The following SPRED1 variants were observed in gnomAD, a reference collection of about 807,000 sequenced individuals.
The protein encoded by SPRED1 is sprouty-related, EVH1 domain-containing protein 1.
A neutral mutation model predicts 52.3 loss-of-function variants in SPRED1; 18 were observed. The ratio of observed to expected loss-of-function variants is 0.34; its 90% CI spans 0.24 to 0.51. The LOEUF is 0.51. SPRED1 is among the 20% of genes least tolerant of loss of function. The pLI, the probability that SPRED1 is intolerant of heterozygous loss-of-function variation, is 0.97. For synonymous variants in SPRED1, 155 were observed against 179.7 expected, an observed-to-expected ratio of 0.86 and a Z score of 1.10; for missense variants, 485 against 551.0, an observed-to-expected ratio of 0.88 and a Z score of 1.20.
Position 38,339,722 on chromosome 15 carries a change from G to A in SPRED1, c.424-15G>A, listed in dbSNP as rs1438431114. ...TTATTCTGGCAACTAATGCATTGAG[G>A]GTTGTTCCCAATAGGCAAATGAAGA... On this transcript the variant is annotated splice_polypyrimidine_tract_variant and intron_variant, in intron 4 of 6. Coordinates refer to ENST00000299084, the MANE Select transcript of SPRED1 (RefSeq NM_152594.3). The A allele has an allele frequency of 1.2e-6, 2 of 1,612,966 alleles. No individual in the cohort carries two copies. The highest frequency in any genetic ancestry group is 1.7e-5 in the Admixed American group (1 of 59,950).
At chr15:38,302,243 A>G (rs567859275) in intron 2 of SPRED1, among the ~76,000 whole-genome samples, 4 of 152,298 alleles carry the variant, frequency 2.6e-5, no homozygotes, top group African/African-American at 4.8e-5. Context: ...ACTGATAACA[A>G]TAGTGAAGAA....
chr15:38,282,994 A>G (rs1894723300), intron 1 of SPRED1, among the ~76,000 whole-genome samples: 1 of 152,034 alleles, frequency 6.6e-6, no homozygotes, highest in Non-Finnish European at 1.5e-5. Context: ...ATTGCCGAAC[A>G]TTTTGGGGTG....
intron 4 of SPRED1, among the ~76,000 whole-genome samples, chr15:38,325,380 G>A (rs1447750766): frequency 6.6e-6 from 1 of 152,034 alleles, no homozygotes; most frequent in Non-Finnish European, 1.5e-5. Flanking sequence ...TCTGAAATTT[G>A]AAACAGTTCT....
intron 1 of SPRED1, among the ~76,000 whole-genome samples, chr15:38,266,777 A>G (rs1470295022): frequency 6.6e-6 from 1 of 152,154 alleles, no homozygotes; most frequent in Non-Finnish European, 1.5e-5. Flanking sequence ...TTCCTTAGCA[A>G]TGTTTCCTAG....
intron 2 of SPRED1, among the ~76,000 whole-genome samples, chr15:38,301,473 C>T (rs1444232866): frequency 1.3e-5 from 2 of 152,102 alleles, no homozygotes; most frequent in Non-Finnish European, 2.9e-5. Flanking sequence ...AAACATCTCT[C>T]AGTATTGCCA....
intron 1 of SPRED1, among the ~76,000 whole-genome samples, chr15:38,255,280 T>C (rs1486018747): frequency 6.6e-5 from 10 of 151,764 alleles, no homozygotes; most frequent in Middle Eastern, 6.8e-3. Context: ...GCTTTAAATA[T>C]TTTTTTTTCA....
At chr15:38,327,460 A>G (rs1384042270) in intron 4 of SPRED1, among the ~76,000 whole-genome samples, 5 of 152,106 alleles carry the variant, frequency 3.3e-5, no homozygotes, top group African/African-American at 9.7e-5. Context: ...GGTAGATCCT[A>G]AGAAAATTTC....
chr15:38,323,023 A>G (rs1895636279), intron 3 of SPRED1, among the ~76,000 whole-genome samples: 1 of 151,958 alleles, frequency 6.6e-6, no homozygotes, highest in South Asian at 2.1e-4. Context: ...TCACATTAAA[A>G]CCCATTTCTT....
At chr15:38,273,520 AATATATATAT>A (rs58636340) in intron 1 of SPRED1, among the ~76,000 whole-genome samples, 240 of 142,960 alleles carry the variant, frequency 1.7e-3, no homozygotes, top group African/African-American at 4.1e-3. Flanking sequence ...ATGTATTATT[AATATATATAT>A]ATATATATAT....
intron 2 of SPRED1, among the ~76,000 whole-genome samples, chr15:38,310,202 G>A (rs764320463): frequency 4.7e-5 from 7 of 148,062 alleles, no homozygotes; most frequent in African/African-American, 7.4e-5. Context: ...GCGCAGTGGC[G>A]CGATCTCGGC....
chr15:38,287,656 A>G (rs938600613), intron 1 of SPRED1, among the ~76,000 whole-genome samples: 1 of 152,194 alleles, frequency 6.6e-6, no homozygotes, highest in African/African-American at 2.4e-5. Flanking sequence ...AAAAAATTGC[A>G]TCTTTACTGA....
chr15:38,310,153 G>GTGTGTGTGTTT (rs373463622), intron 2 of SPRED1, among the ~76,000 whole-genome samples: 1 of 132,188 alleles, frequency 7.6e-6, no homozygotes, highest in Non-Finnish European at 1.6e-5. Context: ...GTGTGTGTGT[G>GTGTGTGTGTTT]TTTGGAGACG....
rs148995823 is a variant in SPRED1, at chr15:38,304,314, G to A, written c.207+4767G>A. ...TGAATTATTCCTTTGTGAAACTTCAGTCCTACAGAAGTGGTCCTCCACTAA... is the reference window on the plus strand; with the variant it reads ...TGAATTATTCCTTTGTGAAACTTCAATCCTACAGAAGTGGTCCTCCACTAA... On this transcript the variant is annotated intron_variant, in intron 2 of 6. Coordinates refer to ENST00000299084, the MANE Select transcript of SPRED1 (RefSeq NM_152594.3). Among the ~76,000 whole-genome samples the A allele has an allele frequency of 6.5e-4, 99 of 152,272 alleles. 1 individual carries two copies. Among genetic ancestry groups the A allele is most frequent in the East Asian group, 3.9e-3 (20 of 5,178 alleles).
chr15:38,349,565 A>AT, intron 6 of SPRED1, 42 bp downstream of exon 6: 3 of 564,342 alleles, frequency 5.3e-6, no homozygotes, highest in Non-Finnish European at 9.1e-6. Flanking sequence ...AATTTAACTA[A>AT]TTAATAGATA....
chr15:38,295,282 AT>A (rs138162506), intron 1 of SPRED1, among the ~76,000 whole-genome samples: 6,289 of 152,232 alleles, frequency 0.041, 436 homozygotes, highest in African/African-American at 0.14. Context: ...TTTAAAAAAA[AT>A]CACACAAAAA....
chr15:38,322,338 C>T lies in SPRED1; in HGVS notation c.305C>T (p.Thr102Met), dbSNP rs754706111. The T allele has an allele frequency of 1.2e-6, 2 of 1,613,760 alleles. No individual in the cohort carries two copies. Among genetic ancestry groups the T allele is most frequent in the Admixed American group, 1.7e-5 (1 of 59,978 alleles). ...WKIDDKKFGL[T>M]FQSPADARAF... ...ATTGATGACAAGAAGTTTGGTCTTA[C>T]GTTTCAAAGTCCTGCTGATGCTAGG... is the stretch of plus-strand genomic sequence containing the variant. The change falls in exon 3 of 7, where the codon ACG (threonine) becomes ATG (methionine). Residue 102 changes from threonine to methionine, a missense_variant. By Grantham distance (81) the Thr-to-Met change is moderately conservative (BLOSUM62 -1). This residue lies in a region of SPRED1 where 232 missense variants were observed against 231.8 expected (regional missense o/e 1.00). Coordinates refer to ENST00000299084, the MANE Select transcript of SPRED1 (RefSeq NM_152594.3).
chr15:38,280,090 C>T (rs1447660261), intron 1 of SPRED1, among the ~76,000 whole-genome samples: 2 of 151,964 alleles, frequency 1.3e-5, no homozygotes, highest in African/African-American at 4.8e-5. Flanking sequence ...CAATTTTTTC[C>T]TATAATTTTG....
chr15:38,347,387 T>C (rs1023231527), intron 5 of SPRED1, among the ~76,000 whole-genome samples: 1 of 152,014 alleles, frequency 6.6e-6, no homozygotes, highest in Non-Finnish European at 1.5e-5. Flanking sequence ...TCATCTTTAC[T>C]GTAGAAATGC....
At chr15:38,309,509 C>T (rs559674932) in intron 2 of SPRED1, among the ~76,000 whole-genome samples, 8 of 152,292 alleles carry the variant, frequency 5.3e-5, no homozygotes, top group South Asian at 2.1e-4. Flanking sequence ...TGTTGGAATA[C>T]GTGGTTTGAA....
Sources: allele counts gnomAD v4.1 joint callset (sites outside exome capture counted in the v4.1 genomes callset), GRCh38; gene constraint gnomAD v4.1.1; regional missense constraint gnomAD v4.1.1; transcripts MANE v1.5; gene names NCBI Gene and HGNC (gene_info 2026-07-23, HGNC 2026-07-21).